ASAP2: variants seen among roughly 807,000 people sequenced by gnomAD.
ASAP2 encodes the protein ArfGAP with SH3 domain, ankyrin repeat and PH domain 2, also known as arf-GAP with SH3 domain, ANK repeat and PH domain-containing protein 2.
A neutral mutation model predicts 131.4 loss-of-function variants in ASAP2; 45 were observed. That is an observed-to-expected ratio of 0.34 (90% CI 0.27 to 0.44). ASAP2 has a LOEUF of 0.44. Among genes scored for constraint, ASAP2 ranks in the 20% least tolerant of loss-of-function variants. The probability of loss-of-function intolerance (pLI) is 1.00; values close to 1 mark genes in which losing one functional copy is unlikely to be tolerated. For missense variants in ASAP2, 1,011 were observed against 1,297.0 expected, an observed-to-expected ratio of 0.78 and a Z score of 3.39; for synonymous variants, 510 against 503.0, an observed-to-expected ratio of 1.01 and a Z score of -0.19.
intron 11 of ASAP2, among the ~76,000 whole-genome samples, chr2:9,347,933 G>T (rs1389780307): frequency 1.3e-5 from 2 of 152,202 alleles, no homozygotes; most frequent in Non-Finnish European, 2.9e-5. Context: ...TTAGAATGGA[G>T]AATCACTGAT....
intron 13 of ASAP2, 42 bp downstream of exon 13, chr2:9,356,137 T>C: frequency 6.2e-7 from 1 of 1,614,116 alleles, no homozygotes; most frequent in East Asian, 2.2e-5. Context: ...GACTCAGCCG[T>C]TGTTTGTGGA....
At position 9,374,930 on chromosome 2, in the gene ASAP2, C is replaced by G; in HGVS notation, c.1732C>G (p.Leu578Val). ...DGVDLTEKIP[L>V]ANGHEPDETA... ...TGTGGATCTTACGGAAAAAATCCCACTGGCCAACGGACATGTAAGAGTGTG... is the reference window on the plus strand; with the variant it reads ...TGTGGATCTTACGGAAAAAATCCCAGTGGCCAACGGACATGTAAGAGTGTG... The change falls in exon 17 of 28, where the codon CTG (leucine) becomes GTG (valine). Residue 578 changes from leucine to valine, a missense_variant. Physicochemically the swap from Leu to Val is conservative, Grantham distance 32. Around this residue, in one of 2 missense-constraint regions of ASAP2, gnomAD observed 652 missense variants for 698.9 expected, o/e 0.93. Coordinates refer to ENST00000281419, the MANE Select transcript of ASAP2 (RefSeq NM_003887.3). The G allele has an allele frequency of 6.2e-7, 1 of 1,606,668 alleles. No homozygotes were observed. The highest frequency in any genetic ancestry group is 8.5e-7 in the Non-Finnish European group (1 of 1,177,484).
intron 2 of ASAP2, among the ~76,000 whole-genome samples, chr2:9,293,370 T>G (rs1667938622): frequency 6.6e-6 from 1 of 152,188 alleles, no homozygotes; most frequent in Non-Finnish European, 1.5e-5. Context: ...GGTCAGTGAT[T>G]ATTGGATCTG....
At position 9,391,086 on chromosome 2, in the gene ASAP2, C is replaced by T; in HGVS notation, c.2408C>T (p.Thr803Ile). Residue 803 changes from threonine to isoleucine, a missense_variant, in exon 23 of 28, where the codon ACC becomes ATC. Coordinates refer to ENST00000281419, the MANE Select transcript of ASAP2 (RefSeq NM_003887.3). ...GKVQTASSAN[T>I]LWKTNSVSVD... ...GTTCAGACAGCCTCCTCTGCTAACA[C>T]CCTGTGGAAGACAAACTCTGTAAGT... The T allele has an allele frequency of 6.2e-7, 1 of 1,614,278 alleles. No individual in the cohort carries two copies. Among genetic ancestry groups the T allele is most frequent in the Non-Finnish European group, 8.5e-7 (1 of 1,180,060 alleles).
intron 24 of ASAP2, 111 bp from the exon 25 acceptor site, chr2:9,399,912 C>A: frequency 9.1e-7 from 1 of 1,098,422 alleles, no homozygotes. Flanking sequence ...GTGGAGGAAA[C>A]CACCTCACAC....
chr2:9,312,738 T>G (rs1374177521), intron 3 of ASAP2, among the ~76,000 whole-genome samples: 1 of 152,188 alleles, frequency 6.6e-6, no homozygotes, highest in Non-Finnish European at 1.5e-5. Context: ...AGAGGCTGTC[T>G]GAGGACTGAG....
intron 1 of ASAP2, among the ~76,000 whole-genome samples, chr2:9,233,326 G>T (rs977837069): frequency 1.3e-5 from 2 of 152,194 alleles, no homozygotes; most frequent in South Asian, 2.1e-4. Context: ...AGAATGGAAG[G>T]TCCAGATGAG....
At chr2:9,341,082 T>C (rs1251660854) in intron 9 of ASAP2, among the ~76,000 whole-genome samples, 1 of 152,188 alleles carries the variant, frequency 6.6e-6, no homozygotes, top group Admixed American at 6.5e-5. Flanking sequence ...CTCCAGGAAT[T>C]GGGGCAACAT....
intron 1 of ASAP2, among the ~76,000 whole-genome samples, chr2:9,276,642 A>C (rs1572331593): frequency 6.6e-6 from 1 of 151,702 alleles, no homozygotes; most frequent in East Asian, 1.9e-4. Context: ...GGTTCAAGCG[A>C]TTCTTTTGCC....
chr2:9,310,656 C>G (rs1270181378), intron 3 of ASAP2, among the ~76,000 whole-genome samples: 4 of 152,190 alleles, frequency 2.6e-5, no homozygotes, highest in Non-Finnish European at 5.9e-5. Context: ...CACACTTTGG[C>G]TGGATCAGCA....
chr2:9,284,337 T>C (rs994452399), intron 2 of ASAP2, among the ~76,000 whole-genome samples: 36 of 152,344 alleles, frequency 2.4e-4, no homozygotes, highest in African/African-American at 8.7e-4. Flanking sequence ...CTTTAAATAT[T>C]GCTCCTGATT....
At chr2:9,278,837 A>G (rs1666929784) in intron 1 of ASAP2, among the ~76,000 whole-genome samples, 1 of 152,232 alleles carries the variant, frequency 6.6e-6, no homozygotes, top group African/African-American at 2.4e-5. Flanking sequence ...CTTACAAGCT[A>G]ATGATATTTG....
At chr2:9,272,128 C>G (rs925338846) in intron 1 of ASAP2, among the ~76,000 whole-genome samples, 2 of 152,114 alleles carry the variant, frequency 1.3e-5, no homozygotes, top group Admixed American at 1.3e-4. Context: ...TTTTGAGGAA[C>G]CTCCATACTG....
intron 1 of ASAP2, among the ~76,000 whole-genome samples, chr2:9,256,515 T>C (rs187047085): frequency 3.9e-5 from 6 of 152,320 alleles, no homozygotes; most frequent in Admixed American, 1.3e-4. Flanking sequence ...ATATTAGATG[T>C]TGTTAGTGGT....
Position 9,395,594 on chromosome 2 carries a change from C to CTTTTTTTTTTT in ASAP2, c.2684+1968_2684+1978dup. Among the ~76,000 whole-genome samples, 38 of 59,060 alleles carry CTTTTTTTTTTT rather than the reference C, an allele frequency of 6.4e-4. 7 individuals carry two copies. Among genetic ancestry groups the CTTTTTTTTTTT allele is most frequent in the Non-Finnish European group, 1.1e-3 (31 of 27,438 alleles). The allele number at this position is 59,060 out of a possible 152,430, so 38.7% of individuals were successfully genotyped here. ...GTTTTGTTTTTCTTGTGTTTTTTTT[C>CTTTTTTTTTTT]TTTTTTTTTTTTTTTTTTTTTTTTT... is the stretch of plus-strand genomic sequence containing the variant. On this transcript the variant is annotated intron_variant, in intron 24 of 27. Coordinates refer to ENST00000281419, the MANE Select transcript of ASAP2 (RefSeq NM_003887.3).
intron 3 of ASAP2, among the ~76,000 whole-genome samples, chr2:9,310,138 G>A (rs1044549142): frequency 2.6e-5 from 4 of 152,238 alleles, no homozygotes; most frequent in African/African-American, 4.8e-5. Flanking sequence ...TGCAGAAGGT[G>A]AATAGGTGGT....
chr2:9,232,985 C>T lies in ASAP2; in HGVS notation c.126+25755C>T, dbSNP rs2148033498. 6.6e-6 allele frequency among the ~76,000 whole-genome samples: 1 copy of T among 152,356 alleles called. No homozygotes were observed. The highest frequency in any genetic ancestry group is 2.1e-4 in the South Asian group (1 of 4,824). ...TTCTGTATCTATTGCCAGCAGGAATCCAAGGATTTCCTTTATTATTTCCAA... is the reference window on the plus strand; with the variant it reads ...TTCTGTATCTATTGCCAGCAGGAATTCAAGGATTTCCTTTATTATTTCCAA... On this transcript the variant is annotated intron_variant, in intron 1 of 27. Transcript: ENST00000281419. This position sits in a 1 kb window ranked among gnomAD's most constrained non-coding sequence, Gnocchi z 4.1.
intron 15 of ASAP2, among the ~76,000 whole-genome samples, chr2:9,367,179 C>T (rs561108186): frequency 9.9e-5 from 15 of 151,920 alleles, no homozygotes; most frequent in Non-Finnish European, 5.9e-5. Context: ...TACAGGTGCA[C>T]GCCGCCATGC....
intron 1 of ASAP2, among the ~76,000 whole-genome samples, chr2:9,239,198 G>C (rs1432307617): frequency 6.6e-6 from 1 of 152,198 alleles, no homozygotes; most frequent in Non-Finnish European, 1.5e-5. Flanking sequence ...TAGCTTGTTA[G>C]TGTGGTGAAT....
Sources: allele counts gnomAD v4.1 joint callset (sites outside exome capture counted in the v4.1 genomes callset), GRCh38; gene constraint gnomAD v4.1.1; regional missense constraint gnomAD v4.1.1; non-coding constraint Gnocchi (gnomAD v3.1); transcripts MANE v1.5; gene names NCBI Gene and HGNC (gene_info 2026-07-23, HGNC 2026-07-21).